The following TRERF1 variants were observed in gnomAD, a reference collection of about 807,000 sequenced individuals.
TRERF1 encodes transcriptional regulating factor 1.
Under a neutral mutation model 122.9 loss-of-function variants are expected in TRERF1, and 27 were observed. The ratio of observed to expected loss-of-function variants is 0.22; its 90% CI spans 0.16 to 0.30. The LOEUF (loss-of-function observed/expected upper bound fraction) is 0.30. Ranked by LOEUF, TRERF1 falls within the 10% of genes least tolerant of loss-of-function variation. TRERF1 has a pLI of 1.00. For missense variants in TRERF1, 1,248 were observed against 1,560.3 expected, an observed-to-expected ratio of 0.80 and a Z score of 3.37; for synonymous variants, 636 against 641.7, an observed-to-expected ratio of 0.99 and a Z score of 0.13.
rs1412785300 is a variant in TRERF1 at position 42,430,610 on chromosome 6, C to T, written c.-454+20567G>A. Among the ~76,000 whole-genome samples, 3 of 149,014 alleles carry T rather than the reference C, an allele frequency of 2.0e-5. No homozygotes were observed. The East Asian group carries it at 5.9e-4, about 29-fold the overall frequency. On this transcript the variant is annotated intron_variant, in intron 2 of 17. Transcript: ENST00000372922. ...ACTAAAAATACAAAAATTAGCCAGT[C>T]GTTGGCTGGGCGCGGTGGCTCATGC... is the stretch of plus-strand genomic sequence containing the variant.
intron 3 of TRERF1, among the ~76,000 whole-genome samples, chr6:42,321,443 A>T (rs569593780): frequency 6.8e-4 from 103 of 151,578 alleles, no homozygotes; most frequent in East Asian, 1.7e-3. Context: ...CAAAGTTTTT[A>T]AAAAAAAGGC....
intron 4 of TRERF1, among the ~76,000 whole-genome samples, chr6:42,288,595 A>AAG (rs893223894): frequency 3.5e-4 from 39 of 111,660 alleles, no homozygotes; most frequent in Non-Finnish European, 6.3e-4. Context: ...AAAAAAAAAA[A>AAG]AGAGAGAGAG....
chr6:42,322,736 T>C (rs1211038036), intron 3 of TRERF1, among the ~76,000 whole-genome samples: 2 of 152,198 alleles, frequency 1.3e-5, no homozygotes, highest in South Asian at 2.1e-4. Flanking sequence ...AGTGTTACTG[T>C]AGCCCAATGC....
chr6:42,388,966 G>T (rs1346575250), intron 2 of TRERF1, among the ~76,000 whole-genome samples: 1 of 152,208 alleles, frequency 6.6e-6, no homozygotes, highest in Admixed American at 6.5e-5. Flanking sequence ...ACAGGGTCTT[G>T]CAGGTGAAAA....
At chr6:42,262,713 A>G (rs1237551161) in intron 8 of TRERF1, among the ~76,000 whole-genome samples, 2 of 152,252 alleles carry the variant, frequency 1.3e-5, no homozygotes, top group Non-Finnish European at 2.9e-5. Flanking sequence ...CTTTCCTGAG[A>G]TTAGGGGTGG....
At chr6:42,256,122 C>T (rs1776697802) in intron 12 of TRERF1, among the ~76,000 whole-genome samples, 1 of 131,100 alleles carries the variant, frequency 7.6e-6, no homozygotes, top group Admixed American at 7.8e-5. Context: ...TAGAGTGAGA[C>T]TCCATCTTAA....
intron 2 of TRERF1, among the ~76,000 whole-genome samples, chr6:42,366,494 G>C (rs1772755350): frequency 1.3e-5 from 2 of 152,150 alleles, no homozygotes; most frequent in Admixed American, 1.3e-4. Flanking sequence ...ACGGGGAGGA[G>C]GATGGCTGGG....
At chr6:42,392,355 T>A (rs989593950) in intron 2 of TRERF1, among the ~76,000 whole-genome samples, 1 of 152,188 alleles carries the variant, frequency 6.6e-6, no homozygotes, top group Non-Finnish European at 1.5e-5. Flanking sequence ...TTTATGTGAC[T>A]GGAGTGATCA....
chr6:42,325,560 A>G (rs751113882), intron 3 of TRERF1, among the ~76,000 whole-genome samples: 1 of 152,178 alleles, frequency 6.6e-6, no homozygotes, highest in African/African-American at 2.4e-5. Context: ...TATGCCATGG[A>G]ATGCTATGCA....
intron 3 of TRERF1, among the ~76,000 whole-genome samples, chr6:42,319,562 C>T (rs1763043493): frequency 6.6e-6 from 1 of 151,932 alleles, no homozygotes; most frequent in East Asian, 2.0e-4. Context: ...TGGCTCATGC[C>T]TGTGATCCCA....
chr6:42,438,221 T>C (rs1247209841), intron 2 of TRERF1, among the ~76,000 whole-genome samples: 1 of 150,712 alleles, frequency 6.6e-6, no homozygotes, highest in African/African-American at 2.4e-5. Context: ...CGTGAGCGGC[T>C]TGCAGCTGTT....
chr6:42,257,023 T>C (rs555114037), exon 11 of TRERF1: 1 of 1,614,198 alleles, frequency 6.2e-7, no homozygotes, highest in African/African-American at 1.3e-5. Flanking sequence ...AGTGTGGCCT[T>C]GTGTGTGTCC....
chr6:42,426,138 A>G (rs766403226), intron 2 of TRERF1, among the ~76,000 whole-genome samples: 8 of 152,210 alleles, frequency 5.3e-5, no homozygotes, highest in Non-Finnish European at 7.3e-5. Context: ...TTTCCCCTTC[A>G]GTTCTGCAGA....
At chr6:42,352,278 A>G (rs949858358) in intron 3 of TRERF1, among the ~76,000 whole-genome samples, 6 of 152,246 alleles carry the variant, frequency 3.9e-5, no homozygotes, top group African/African-American at 9.6e-5. Context: ...TACAGGCGTG[A>G]GCCACTGCAT....
At chr6:42,444,243 C>T (rs1381938581) in intron 2 of TRERF1, among the ~76,000 whole-genome samples, 1 of 151,138 alleles carries the variant, frequency 6.6e-6, no homozygotes, top group African/African-American at 2.4e-5. Flanking sequence ...CAGTACCCAC[C>T]AACTCTGAAC....
chr6:42,289,482 G>T (rs545857045), intron 4 of TRERF1, among the ~76,000 whole-genome samples: 1 of 151,998 alleles, frequency 6.6e-6, no homozygotes, highest in Non-Finnish European at 1.5e-5. Context: ...CTGCCAAGAG[G>T]CAAATACAGG....
chr6:42,452,125 G>A (rs1421696432), upstream of TRERF1: 1 of 144,916 alleles, frequency 6.9e-6, no homozygotes, highest in African/African-American at 2.6e-5. Context: ...CCGTTCCCAA[G>A]CTCCTCTCGG....
At chr6:42,407,571 T>C (rs1285768614) in intron 2 of TRERF1, among the ~76,000 whole-genome samples, 1 of 152,140 alleles carries the variant, frequency 6.6e-6, no homozygotes, top group Non-Finnish European at 1.5e-5. Flanking sequence ...GGGTGGAGAC[T>C]GGGAGCTTGA....
At position 42,374,453 on chromosome 6, in the gene TRERF1, G is replaced by A. The variant is rs372125053; in HGVS notation, c.-453-11374C>T. 1.1e-4 allele frequency among the ~76,000 whole-genome samples: 16 copies of A among 152,318 alleles called. No individual in the cohort carries two copies. In the South Asian group the frequency reaches 2.7e-3, roughly 26 times the overall value. Reference sequence around the variant, plus strand: ...GGGGCTCCTTCCTTCTGGCCGAGGGGAGGTAATAGCTTCCCACTGTTGTCA... The same window carrying A: ...GGGGCTCCTTCCTTCTGGCCGAGGGAAGGTAATAGCTTCCCACTGTTGTCA... On this transcript the variant is annotated intron_variant, in intron 2 of 17. Coordinates refer to ENST00000372922, the Ensembl canonical transcript of TRERF1.
Sources: gnomAD v4.1 joint callset for allele counts (sites outside exome capture counted in the v4.1 genomes callset) on GRCh38, gnomAD v4.1.1 for gene constraint, MANE v1.5 for transcripts, NCBI Gene and HGNC (gene_info 2026-07-23, HGNC 2026-07-21) for gene names.